The following SLC4A7 variants were observed in gnomAD, a reference collection of about 807,000 sequenced individuals.
SLC4A7 encodes solute carrier family 4 member 7.
In SLC4A7, 51 loss-of-function variants were observed where a neutral mutation model predicts 137.6. The ratio of observed to expected loss-of-function variants is 0.37; its 90% confidence interval spans 0.30 to 0.47. SLC4A7 has a LOEUF of 0.47. Among genes scored for constraint, SLC4A7 ranks in the 20% least tolerant of loss-of-function variants. The pLI is 1.00. For synonymous variants in SLC4A7, 542 were observed against 518.6 expected, an observed-to-expected ratio of 1.05 and a Z score of -0.61; for missense variants, 1,247 against 1,525.4, an observed-to-expected ratio of 0.82 and a Z score of 3.04.
At chr3:27,477,058 C>T (rs1469111007) in intron 1 of SLC4A7, among the ~76,000 whole-genome samples, 2 of 152,184 alleles carry the variant, frequency 1.3e-5, no homozygotes, top group African/African-American at 4.8e-5. Context: ...ATTCACAAAA[C>T]TTACATAATA....
chr3:27,401,037 T>C (rs889771480), intron 15 of SLC4A7, 168 bp from the exon 16 acceptor site: 15 of 464,974 alleles, frequency 3.2e-5, no homozygotes, highest in Non-Finnish European at 3.8e-6. Context: ...TGGAATAAAG[T>C]TTGGGTTATA....
chr3:27,413,421 CAA>C (rs1349075171), intron 11 of SLC4A7, among the ~76,000 whole-genome samples: 1 of 151,974 alleles, frequency 6.6e-6, no homozygotes, highest in Non-Finnish European at 1.5e-5. Flanking sequence ...GTTTATGAAA[CAA>C]GTATATTGAT....
chr3:27,477,852 C>A (rs748597511), intron 1 of SLC4A7, among the ~76,000 whole-genome samples: 3 of 152,122 alleles, frequency 2.0e-5, no homozygotes, highest in South Asian at 4.2e-4. Context: ...TGAGCTCAGG[C>A]AATCCACCTG....
At chr3:27,473,635 G>C (rs531995124) in intron 1 of SLC4A7, among the ~76,000 whole-genome samples, 2 of 151,058 alleles carry the variant, frequency 1.3e-5, no homozygotes, top group Non-Finnish European at 2.9e-5. Context: ...TTGAGCCCGG[G>C]GGGTGGAGGG....
chr3:27,376,734 T>A lies in SLC4A7; in HGVS notation c.*30A>T, dbSNP rs748614482. ...TACGCACACATTACATATGTATATA[T>A]CTATATGTATAATGCCTCTTGGTTC... On this transcript the variant is annotated 3_prime_UTR_variant, in exon 26 of 26. Coordinates refer to ENST00000454389, the MANE Select transcript of SLC4A7 (RefSeq NM_001321103.2). 2 of 1,297,142 alleles carry A rather than the reference T, an allele frequency of 1.5e-6. No homozygotes were observed. The highest frequency in any genetic ancestry group is 2.2e-6 in the Non-Finnish European group (2 of 896,384). The allele number at this position is 1,297,142 out of a possible 1,614,324, so 80.4% of individuals were successfully genotyped here.
At chr3:27,403,480 C>A in intron 14 of SLC4A7, 96 bp from the exon 15 acceptor site, 1 of 723,916 alleles carries the variant, frequency 1.4e-6, no homozygotes, top group Non-Finnish European at 2.3e-6. Context: ...AGCAAGAAAA[C>A]ACGATTCCTA....
chr3:27,421,791 T>C lies in SLC4A7; in HGVS notation c.1267-12A>G, dbSNP rs772908336. 1.9e-6 allele frequency: 3 copies of C among 1,593,888 alleles called. No individual in the cohort carries two copies. The highest frequency in any genetic ancestry group is 1.7e-5 in the Admixed American group (1 of 58,094). On this transcript the variant is annotated splice_polypyrimidine_tract_variant and intron_variant, in intron 8 of 25. Transcript: ENST00000454389. The stretch of plus-strand genomic sequence containing the variant: ...AAATTCATATCAACCTATTGACAAA[T>C]AAATAATTAAAAATAAAGTTTCCGT...
intron 18 of SLC4A7, among the ~76,000 whole-genome samples, chr3:27,396,834 G>A (rs986851987): frequency 6.6e-6 from 1 of 152,116 alleles, no homozygotes; most frequent in African/African-American, 2.4e-5. Flanking sequence ...GAAGGAAAAT[G>A]AATATATTCA....
At chr3:27,446,745 C>CA (rs956172907) in intron 3 of SLC4A7, among the ~76,000 whole-genome samples, 16 of 151,150 alleles carry the variant, frequency 1.1e-4, no homozygotes, top group African/African-American at 4.9e-5. Context: ...TTAGTATCAC[C>CA]AAAAAAAAGT....
At chr3:27,385,865 G>A (rs778559366) in intron 23 of SLC4A7, 27 bp downstream of exon 23, 3 of 1,437,348 alleles carry the variant, frequency 2.1e-6, no homozygotes, top group Non-Finnish European at 2.9e-6. Context: ...AGGAAGTGGT[G>A]TAAGTTTAAA....
intron 3 of SLC4A7, among the ~76,000 whole-genome samples, chr3:27,442,690 C>T (rs748330378): frequency 6.6e-6 from 1 of 152,100 alleles, no homozygotes; most frequent in East Asian, 1.9e-4. Context: ...GTGTTGTAGA[C>T]AAAACCGGGT....
intron 20 of SLC4A7, among the ~76,000 whole-genome samples, chr3:27,393,232 T>G (rs1033092678): frequency 1.3e-5 from 2 of 152,106 alleles, no homozygotes; most frequent in Non-Finnish European, 2.9e-5. Flanking sequence ...AAAACAAAAG[T>G]TAAAAAAAAT....
At position 27,484,280 on chromosome 3, in the gene SLC4A7, G is replaced by C; in HGVS notation, c.-154C>G. 1 of 495,790 alleles carries C rather than the reference G, an allele frequency of 2.0e-6. No individual in the cohort carries two copies. 30.7% of individuals were successfully genotyped at this position (495,790 alleles called of 1,614,324 possible). A position where few individuals can be genotyped will look rare whatever the true frequency, so the allele number is the denominator to read the frequency against. ...GAGGTGTGCGCGCGTGGGGAGAGCCGGGCGCCGGGCGCGGGAGACGCGGGG... is the reference window on the plus strand; with the variant it reads ...GAGGTGTGCGCGCGTGGGGAGAGCCCGGCGCCGGGCGCGGGAGACGCGGGG... On this transcript the variant is annotated 5_prime_UTR_variant, in exon 1 of 26. Coordinates refer to ENST00000454389, the MANE Select transcript of SLC4A7 (RefSeq NM_001321103.2).
At chr3:27,380,546 C>T (rs546997894) in intron 24 of SLC4A7, among the ~76,000 whole-genome samples, 10 of 151,932 alleles carry the variant, frequency 6.6e-5, no homozygotes, top group Non-Finnish European at 1.0e-4. Context: ...TTCAGACAAA[C>T]AAGATACAAA....
intron 1 of SLC4A7, among the ~76,000 whole-genome samples, chr3:27,479,019 AC>A (rs1255745347): frequency 6.6e-6 from 1 of 151,828 alleles, no homozygotes; most frequent in Non-Finnish European, 1.5e-5. Flanking sequence ...AAAAAAAAAA[AC>A]AAAAAAACAC....
intron 1 of SLC4A7, among the ~76,000 whole-genome samples, chr3:27,464,055 T>C (rs2058842096): frequency 6.6e-6 from 1 of 151,992 alleles, no homozygotes; most frequent in Admixed American, 6.6e-5. Flanking sequence ...GCGTGCCTGT[T>C]ATCCCAGCTA....
chr3:27,469,717 C>T (rs934828265), intron 1 of SLC4A7, among the ~76,000 whole-genome samples: 9 of 151,966 alleles, frequency 5.9e-5, no homozygotes, highest in Non-Finnish European at 1.3e-4. Context: ...CATGCCATTG[C>T]ACTCCAGCTT....
At chr3:27,407,201 G>A (rs540249813) in intron 13 of SLC4A7, among the ~76,000 whole-genome samples, 1 of 150,974 alleles carries the variant, frequency 6.6e-6, no homozygotes, top group Non-Finnish European at 1.5e-5. Flanking sequence ...TCACAGCCTG[G>A]CTAGGCACGG....
At chr3:27,417,052 A>G (rs2054459833) in intron 11 of SLC4A7, among the ~76,000 whole-genome samples, 1 of 152,234 alleles carries the variant, frequency 6.6e-6, no homozygotes, top group Admixed American at 6.5e-5. Context: ...AGTAAGAAAG[A>G]GAGCAAGAAC....
Sources: allele counts gnomAD v4.1 joint callset (sites outside exome capture counted in the v4.1 genomes callset), GRCh38; gene constraint gnomAD v4.1.1; transcripts MANE v1.5; gene names NCBI Gene and HGNC (gene_info 2026-07-23, HGNC 2026-07-21).